HLA-DPB1: variants seen among roughly 807,000 people sequenced by gnomAD.
HLA-DPB1 encodes major histocompatibility complex, class II, DP beta 1.
HLA-DPB1 carries 30 observed loss-of-function variants against 29.4 expected under a neutral mutation model. The observed-to-expected ratio is 1.02, with a 90% confidence interval of 0.76 to 1.38. HLA-DPB1 has a LOEUF of 1.38. Among genes scored for constraint, HLA-DPB1 ranks in the 40% most tolerant of loss-of-function variants. HLA-DPB1 has a pLI of 0.00. For synonymous variants in HLA-DPB1, 114 were observed against 134.0 expected, an observed-to-expected ratio of 0.85 and a Z score of 1.03; for missense variants, 261 against 327.5, an observed-to-expected ratio of 0.80 and a Z score of 1.57.
intron 2 of HLA-DPB1, among the ~76,000 whole-genome samples, chr6:33,082,576 C>T (rs28986428): frequency 0.013 from 1,955 of 152,224 alleles, 18 homozygotes; most frequent in Middle Eastern, 0.041. Flanking sequence ...CTTCAGAAGA[C>T]TACTAAGGGT....
intron 4 of HLA-DPB1, 29 bp downstream of exon 4, chr6:33,085,918 T>G: frequency 7.0e-7 from 1 of 1,428,240 alleles, no homozygotes; most frequent in Non-Finnish European, 9.8e-7. Context: ...TGAGCGGGAC[T>G]TACCTTCCCC....
In HLA-DPB1 at chr6:33,084,185, T is replaced by C. The variant is rs1208316842; in HGVS notation, c.365-765T>C. Among the ~76,000 whole-genome samples, 13 of 152,348 alleles carry C rather than the reference T, an allele frequency of 8.5e-5. No homozygotes were observed. The East Asian group carries it at 1.5e-3, about 18-fold the overall frequency. The stretch of plus-strand genomic sequence containing the variant: ...TATATCTTAATTTCAAGATATTATT[T>C]GAGTAAATTTTGCTTCCTTTGTATC... On this transcript the variant is annotated intron_variant, in intron 2 of 5. Coordinates refer to ENST00000418931, the MANE Select transcript of HLA-DPB1 (RefSeq NM_002121.6).
At chr6:33,078,921 G>A (rs1473954412) in intron 1 of HLA-DPB1, among the ~76,000 whole-genome samples, 1 of 152,200 alleles carries the variant, frequency 6.6e-6, no homozygotes, top group African/African-American at 2.4e-5. Context: ...CAGAGGAGGA[G>A]GAATCTGGAC....
intron 1 of HLA-DPB1, among the ~76,000 whole-genome samples, chr6:33,077,478 T>C (rs2213309): frequency 0.58 from 87,822 of 151,708 alleles, 27,544 homozygotes; most frequent in East Asian, 0.88. Flanking sequence ...GTTCTAGATC[T>C]TTGAGGAATT....
At chr6:33,086,184 T>C (rs766772635) in intron 4 of HLA-DPB1, 35 bp from the exon 5 acceptor site, 2 of 1,521,666 alleles carry the variant, frequency 1.3e-6, no homozygotes, top group Admixed American at 1.7e-5. Context: ...GTGGTTTCAA[T>C]GGCTGATTAT....
chr6:33,079,699 C>T, intron 1 of HLA-DPB1: 1 of 507,148 alleles, frequency 2.0e-6, no homozygotes, highest in Non-Finnish European at 3.9e-6. Context: ...TCCACAGCCT[C>T]AAGGAGCTGA....
In HLA-DPB1 at chr6:33,082,652, AT is replaced by A. The variant is rs541248490; in HGVS notation, c.364+1719del. Reference sequence around the variant, plus strand: ...GAAACTGCTATTATTTGTCAGGGAAATTGCAATCAAGGCATGAGTTAGAACA... The same window carrying A: ...GAAACTGCTATTATTTGTCAGGGAAATGCAATCAAGGCATGAGTTAGAACA... On this transcript the variant is annotated intron_variant, in intron 2 of 5. Coordinates refer to ENST00000418931, the MANE Select transcript of HLA-DPB1 (RefSeq NM_002121.6). Among the ~76,000 whole-genome samples the A allele has an allele frequency of 2.0e-4, 30 of 152,302 alleles. No homozygotes were observed. The East Asian group carries it at 5.2e-3, about 26-fold the overall frequency.
rs1762774235 is a variant in HLA-DPB1 at position 33,080,426 on chromosome 6, G to A, written c.101-246G>A. 2.9e-6 allele frequency: 2 copies of A among 694,774 alleles called. No individual in the cohort carries two copies. Among genetic ancestry groups the A allele is most frequent in the Non-Finnish European group, 5.3e-6 (2 of 375,502 alleles). 43.0% of individuals were successfully genotyped at this position (694,774 alleles called of 1,614,324 possible). On this transcript the variant is annotated intron_variant, in intron 1 of 5. Transcript: ENST00000418931. This position sits in a 1 kb window ranked among gnomAD's most constrained non-coding sequence, Gnocchi z 4.3. Reference sequence around the variant, plus strand: ...TCCCCTCAGTGCTCGCCCCTCCCTAGTGATCACTCAGTGCCCCTGAGCTCA... The same window carrying A: ...TCCCCTCAGTGCTCGCCCCTCCCTAATGATCACTCAGTGCCCCTGAGCTCA...
chr6:33,086,523 T>A lies in HLA-DPB1; in HGVS notation c.*5-16T>A. On this transcript the variant is annotated splice_polypyrimidine_tract_variant and intron_variant, in intron 5 of 5. Coordinates refer to ENST00000418931, the MANE Select transcript of HLA-DPB1 (RefSeq NM_002121.6). ...GAGGCTGGCAACCTGGGATAACTTGTCTTTTACCCCCACAGGGTTCCTGAG... is the reference window on the plus strand; with the variant it reads ...GAGGCTGGCAACCTGGGATAACTTGACTTTTACCCCCACAGGGTTCCTGAG... 1.5e-6 allele frequency: 1 copy of A among 670,974 alleles called. No individual in the cohort carries two copies. Among genetic ancestry groups the A allele is most frequent in the East Asian group, 3.3e-5 (1 of 30,384 alleles). 41.6% of individuals were successfully genotyped at this position (670,974 alleles called of 1,614,324 possible). A position where few individuals can be genotyped will look rare whatever the true frequency, so the allele number is the denominator to read the frequency against.
intron 4 of HLA-DPB1, 139 bp from the exon 5 acceptor site, chr6:33,086,080 A>G: frequency 1.2e-6 from 1 of 855,342 alleles, no homozygotes; most frequent in Non-Finnish European, 2.0e-6. Context: ...AGCCAGATGC[A>G]TGAGGTCCCA....
intron 2 of HLA-DPB1, among the ~76,000 whole-genome samples, chr6:33,081,681 G>A (rs1013918226): frequency 5.3e-5 from 8 of 152,134 alleles, no homozygotes; most frequent in African/African-American, 1.9e-4. Context: ...AGCGGCAGGA[G>A]CTGGAATGGG....
At chr6:33,079,453 G>T in intron 1 of HLA-DPB1, 1 of 245,216 alleles carries the variant, frequency 4.1e-6, no homozygotes, top group Non-Finnish European at 8.3e-6. Flanking sequence ...TCCACATCAT[G>T]GCCTCCCTCA....
rs1256573915 is a variant in HLA-DPB1, at chr6:33,086,694, T to C, written c.*160T>C. On this transcript the variant is annotated 3_prime_UTR_variant, in exon 6 of 6. Coordinates refer to ENST00000418931, the MANE Select transcript of HLA-DPB1 (RefSeq NM_002121.6). ...CAGTTTCTATCATTCTGCTCTTTGATTCAAAGCACTGTTTCTCTCACTGGG... is the reference window on the plus strand; with the variant it reads ...CAGTTTCTATCATTCTGCTCTTTGACTCAAAGCACTGTTTCTCTCACTGGG... The C allele has an allele frequency of 1.1e-5, 5 of 447,272 alleles. No individual in the cohort carries two copies. The highest frequency in any genetic ancestry group is 8.6e-5 in the East Asian group (1 of 11,592). 27.7% of individuals were successfully genotyped at this position (447,272 alleles called of 1,614,324 possible).
chr6:33,077,776 AC>A (rs1476998725), intron 1 of HLA-DPB1, among the ~76,000 whole-genome samples: 1 of 152,090 alleles, frequency 6.6e-6, no homozygotes, highest in African/African-American at 2.4e-5. Flanking sequence ...CCTAGGACAC[AC>A]CTAGAAGGTA....
At position 33,080,908 on chromosome 6, in the gene HLA-DPB1, G is replaced by A. The variant is rs76968043; in HGVS notation, c.337G>A (p.Gly113Ser). The A allele has an allele frequency of 2.5e-6, 4 of 1,605,596 alleles. No individual in the cohort carries two copies. Among genetic ancestry groups the A allele is most frequent in the Non-Finnish European group, 3.4e-6 (4 of 1,176,342 alleles). The part of the protein sequence containing the change: ...DRMCRHNYEL[G>S]GPMTLQRRVQ... ...GATGTGCAGACACAACTACGAGCTG[G>A]GCGGGCCCATGACCCTGCAGCGCCG... The change falls in exon 2 of 6, where the codon GGC becomes AGC. Residue 113 changes from glycine to serine, a missense_variant. Physicochemically the swap from Gly to Ser is moderately conservative, Grantham distance 56 (BLOSUM62 0). Transcript: ENST00000418931. This position sits in a 1 kb window ranked among gnomAD's most constrained non-coding sequence, Gnocchi z 4.3.
In HLA-DPB1 at chr6:33,086,704, T is replaced by C. The variant is rs1485570556; in HGVS notation, c.*170T>C. On this transcript the variant is annotated 3_prime_UTR_variant, in exon 6 of 6. Coordinates refer to ENST00000418931, the MANE Select transcript of HLA-DPB1 (RefSeq NM_002121.6). ...CATTCTGCTCTTTGATTCAAAGCAC[T>C]GTTTCTCTCACTGGGCCTCCAACCA... 6.9e-6 allele frequency: 3 copies of C among 436,606 alleles called. No homozygotes were observed. Among genetic ancestry groups the C allele is most frequent in the African/African-American group, 6.4e-5 (3 of 46,904 alleles). The allele number at this position is 436,606 out of a possible 1,614,324, so 27.0% of individuals were successfully genotyped here.
At chr6:33,079,452 TG>T (rs1210716666) in intron 1 of HLA-DPB1, 6 of 246,254 alleles carry the variant, frequency 2.4e-5, no homozygotes, top group Admixed American at 4.4e-5. Context: ...CTCCACATCA[TG>T]GCCTCCCTCA....
rs1357228374 is a variant in HLA-DPB1, at chr6:33,080,956, G to A, written c.364+21G>A. 7 of 1,559,264 alleles carry A rather than the reference G, an allele frequency of 4.5e-6. No homozygotes were observed. Among genetic ancestry groups the A allele is most frequent in the East Asian group, 4.5e-5 (2 of 44,394 alleles). Reference sequence around the variant, plus strand: ...CCGAGGTGAGTGAGGGCTTTGGGCCGGCGGTCCCAGGGCAGCCCCGCGGGC... The same window carrying A: ...CCGAGGTGAGTGAGGGCTTTGGGCCAGCGGTCCCAGGGCAGCCCCGCGGGC... On this transcript the variant is annotated intron_variant, in intron 2 of 5. Transcript: ENST00000418931. The surrounding 1 kb of genome is among the most constrained non-coding windows in gnomAD (Gnocchi z 4.3).
chr6:33,076,221 T>A, intron 1 of HLA-DPB1, 80 bp downstream of exon 1: 1 of 962,788 alleles, frequency 1.0e-6, no homozygotes, highest in Non-Finnish European at 1.6e-6. Flanking sequence ...GGGATCAAAT[T>A]CTGAGACAGG....
Sources: allele counts gnomAD v4.1 joint callset (sites outside exome capture counted in the v4.1 genomes callset), GRCh38; gene constraint gnomAD v4.1.1; non-coding constraint Gnocchi (gnomAD v3.1); transcripts MANE v1.5; gene names NCBI Gene and HGNC (gene_info 2026-07-23, HGNC 2026-07-21).